The following MAMLD1 variants were observed in gnomAD, a reference collection of about 807,000 sequenced individuals.
MAMLD1 encodes the protein mastermind like domain containing 1.
In MAMLD1, 14 loss-of-function variants were observed where a neutral mutation model predicts 45.0. That is an observed-to-expected ratio of 0.31 (90% CI 0.21 to 0.49). The LOEUF (loss-of-function observed/expected upper bound fraction) is 0.49. MAMLD1 is among the 20% of genes least tolerant of loss of function. The pLI is 0.99. For missense variants in MAMLD1, 543 were observed against 603.6 expected (o/e 0.90, Z 1.05); for synonymous variants, 254 against 247.8 (o/e 1.02, Z -0.24).
chrX:150,436,150 AT>A lies in MAMLD1; in HGVS notation c.-63-9291del, dbSNP rs199765134. On this transcript the variant is annotated intron_variant, in intron 1 of 7. Transcript: ENST00000370401. ...CTTTTCTTTATCTGCCTTTAACATG[AT>A]TTTTTTTTTTTTCATTTCGATCTTG... 5.2e-3 allele frequency among the ~76,000 whole-genome samples: 498 copies of A among 96,687 alleles called. 3 individuals carry two copies. Among genetic ancestry groups the A allele is most frequent in the South Asian group, 9.5e-3 (21 of 2,207 alleles). 84.0% of individuals were successfully genotyped at this position (96,687 alleles called of 115,157 possible).
intron 2 of MAMLD1, among the ~76,000 whole-genome samples, chrX:150,452,951 G>A (rs782507864): frequency 1.2e-3 from 131 of 110,895 alleles, no homozygotes; most frequent in African/African-American, 4.0e-3. Flanking sequence ...ACCTGAGAAC[G>A]GGCGCACAAT....
At chrX:150,503,786 G>C (rs1471454002) in intron 6 of MAMLD1, among the ~76,000 whole-genome samples, 13 of 112,369 alleles carry the variant, frequency 1.2e-4, no homozygotes, top group African/African-American at 4.2e-4. Flanking sequence ...GGAAATGAGT[G>C]GGGGATTGAC....
chrX:150,439,160 T>C (rs191286364), intron 1 of MAMLD1, among the ~76,000 whole-genome samples: 17 of 112,375 alleles, frequency 1.5e-4, no homozygotes, highest in African/African-American at 4.9e-4. Flanking sequence ...AATAAATCTA[T>C]TTAAGTCCTT....
At chrX:150,472,530 C>T (rs894631253) in intron 4 of MAMLD1, among the ~76,000 whole-genome samples, 1 of 112,156 alleles carries the variant, frequency 8.9e-6, no homozygotes, top group Admixed American at 9.4e-5. Flanking sequence ...ACTGAGGCCT[C>T]GGTTTCTCAT....
At chrX:150,502,940 A>G (rs1313650409) in intron 5 of MAMLD1, among the ~76,000 whole-genome samples, 1 of 112,100 alleles carries the variant, frequency 8.9e-6, no homozygotes, top group Admixed American at 9.4e-5. Context: ...TTCTCAAGCC[A>G]GGGGAGTCTT....
intron 1 of MAMLD1, among the ~76,000 whole-genome samples, chrX:150,401,690 C>A (rs1603238894): frequency 8.9e-6 from 1 of 111,755 alleles, no homozygotes; most frequent in East Asian, 2.8e-4. Context: ...GCTACAGTAA[C>A]CAAAACAGCA....
At chrX:150,493,801 C>A (rs1187066080) in intron 5 of MAMLD1, among the ~76,000 whole-genome samples, 1 of 111,976 alleles carries the variant, frequency 8.9e-6, no homozygotes, top group Non-Finnish European at 1.9e-5. Context: ...TATTTTATGA[C>A]TTTCTGATTA....
At chrX:150,474,656 G>T (rs1415459718) in intron 5 of MAMLD1, among the ~76,000 whole-genome samples, 1 of 111,968 alleles carries the variant, frequency 8.9e-6, no homozygotes, top group African/African-American at 3.3e-5. Flanking sequence ...GGCTCCTTTT[G>T]CTCTAGGCCC....
intron 1 of MAMLD1, among the ~76,000 whole-genome samples, chrX:150,408,447 G>A (rs2124531808): frequency 9.0e-6 from 1 of 111,693 alleles, no homozygotes; most frequent in South Asian, 3.8e-4. Context: ...TACAAAAAGA[G>A]TCTGTTTTGA....
intron 5 of MAMLD1, among the ~76,000 whole-genome samples, chrX:150,487,781 G>T (rs781805519): frequency 5.3e-5 from 6 of 112,245 alleles, no homozygotes; most frequent in Non-Finnish European, 9.4e-5. Flanking sequence ...TTGTTCTCTA[G>T]TGTCCTACAA....
At chrX:150,446,429 C>T (rs1184655830) in intron 2 of MAMLD1, among the ~76,000 whole-genome samples, 4 of 111,661 alleles carry the variant, frequency 3.6e-5, no homozygotes, top group African/African-American at 1.3e-4. Flanking sequence ...TGAGGTAATG[C>T]CATTTCACAT....
chrX:150,380,831 G>A (rs2032567056), intron 1 of MAMLD1, among the ~76,000 whole-genome samples: 1 of 109,761 alleles, frequency 9.1e-6, no homozygotes, highest in Non-Finnish European at 1.9e-5. Context: ...GTCAGTGGTG[G>A]GGTGGTGTGC....
intron 1 of MAMLD1, among the ~76,000 whole-genome samples, chrX:150,401,475 C>T (rs1213628822): frequency 2.9e-5 from 3 of 103,493 alleles, no homozygotes; most frequent in East Asian, 3.0e-4. Context: ...GAATCAATAT[C>T]GTGAAAATGG....
In MAMLD1 at chrX:150,512,930, T is replaced by C. The variant is rs978768835; in HGVS notation, c.*971T>C. On this transcript the variant is annotated 3_prime_UTR_variant, in exon 8 of 8. Transcript: ENST00000370401. Reference sequence around the variant, plus strand: ...TGAGGTAGATTTCATTGAAGCTCTCTTGAAAGGCTCCTGTGTGAGCCCAGA... The same window carrying C: ...TGAGGTAGATTTCATTGAAGCTCTCCTGAAAGGCTCCTGTGTGAGCCCAGA... 2 of 1,154,669 alleles carry C rather than the reference T, an allele frequency of 1.7e-6. No homozygotes were observed. The highest frequency in any genetic ancestry group is 1.8e-5 in the African/African-American group (1 of 55,803).
intron 2 of MAMLD1, among the ~76,000 whole-genome samples, chrX:150,455,739 T>C (rs782368743): frequency 1.9e-5 from 2 of 106,858 alleles, no homozygotes; most frequent in African/African-American, 6.9e-5. Context: ...AGTTCTTCTA[T>C]TAGAATTTGT....
intron 1 of MAMLD1, among the ~76,000 whole-genome samples, chrX:150,424,054 G>A (rs1019381386): frequency 1.8e-5 from 2 of 112,347 alleles, no homozygotes; most frequent in African/African-American, 3.2e-5. Context: ...CTCTGCCTTC[G>A]TTTCTTGATG....
At chrX:150,373,686 C>T (rs1245023901) in intron 1 of MAMLD1, among the ~76,000 whole-genome samples, 1 of 111,695 alleles carries the variant, frequency 9.0e-6, no homozygotes, top group Non-Finnish European at 1.9e-5. Context: ...TTTTCCTTAC[C>T]GGTTTCTAGA....
rs181666761 is a variant in MAMLD1 at position 150,452,752 on chromosome X, C to A, written c.96+7140C>A. 2.1e-3 allele frequency among the ~76,000 whole-genome samples: 156 copies of A among 74,421 alleles called. 1 individual carries two copies. Among genetic ancestry groups the A allele is most frequent in the African/African-American group, 7.7e-3 (149 of 19,391 alleles). 64.6% of individuals were successfully genotyped at this position (74,421 alleles called of 115,157 possible). On this transcript the variant is annotated intron_variant, in intron 2 of 7. Coordinates refer to ENST00000370401, the MANE Select transcript of MAMLD1 (RefSeq NM_005491.5). ...TATCTCCCAATGCTATCCCTCCCCCCTCCCCCCACCCCACAACAGTCCCCA... is the reference window on the plus strand; with the variant it reads ...TATCTCCCAATGCTATCCCTCCCCCATCCCCCCACCCCACAACAGTCCCCA...
At chrX:150,435,557 T>C (rs2035098116) in intron 1 of MAMLD1, among the ~76,000 whole-genome samples, 1 of 112,366 alleles carries the variant, frequency 8.9e-6, no homozygotes, top group African/African-American at 3.2e-5. Context: ...TTGTGTTTTT[T>C]GTTTGCTTGG....
Sources: allele counts gnomAD v4.1 joint callset (sites outside exome capture counted in the v4.1 genomes callset), GRCh38; gene constraint gnomAD v4.1.1; transcripts MANE v1.5; gene names NCBI Gene and HGNC (gene_info 2026-07-23, HGNC 2026-07-21).